Variants in ARHGAP32 observed in about 807,000 individuals in gnomAD.
ARHGAP32 encodes the protein rho GTPase-activating protein 32.
Under a neutral mutation model 186.5 loss-of-function variants are expected in ARHGAP32, and 51 were observed. The observed-to-expected ratio is 0.27, with a 90% CI of 0.22 to 0.35. ARHGAP32 has a LOEUF of 0.35. Ranked by LOEUF, ARHGAP32 falls within the 10% of genes least tolerant of loss-of-function variation. ARHGAP32 has a pLI of 1.00. For missense variants in ARHGAP32, 2,186 were observed against 2,623.5 expected, an observed-to-expected ratio of 0.83 and a Z score of 3.64; for synonymous variants, 950 against 964.3, an observed-to-expected ratio of 0.99 and a Z score of 0.27.
At chr11:129,129,800 A>G (rs1942771193) in intron 2 of ARHGAP32, among the ~76,000 whole-genome samples, 1 of 152,214 alleles carries the variant, frequency 6.6e-6, no homozygotes, top group South Asian at 2.1e-4. Context: ...CAACCTCACA[A>G]ACATTAAATA....
intron 19 of ARHGAP32, among the ~76,000 whole-genome samples, chr11:128,977,910 C>T (rs943997961): frequency 4.7e-5 from 7 of 149,646 alleles, no homozygotes. Context: ...AGATGCAGGG[C>T]CTCACTTTGT....
intron 6 of ARHGAP32, among the ~76,000 whole-genome samples, chr11:129,075,030 C>T (rs1940993574): frequency 6.6e-6 from 1 of 151,606 alleles, no homozygotes; most frequent in Non-Finnish European, 1.5e-5. Context: ...TTTTATTTGA[C>T]AATTATATAT....
At chr11:129,172,683 C>G (rs1943793667) in intron 1 of ARHGAP32, among the ~76,000 whole-genome samples, 1 of 152,140 alleles carries the variant, frequency 6.6e-6, no homozygotes, top group African/African-American at 2.4e-5. Context: ...ACAACCTGCT[C>G]CTGAATGACT....
chr11:128,988,282 G>T (rs1489536382), intron 12 of ARHGAP32, among the ~76,000 whole-genome samples, 157 bp from the exon 13 acceptor site: 1 of 152,062 alleles, frequency 6.6e-6, no homozygotes, highest in African/African-American at 2.4e-5. Flanking sequence ...AATGATGAGG[G>T]TATATTTATT....
In ARHGAP32 at chr11:128,969,878, CCTT is replaced by C. The variant is rs1197365199; in HGVS notation, c.5332_5334del (p.Lys1778del). The C allele has an allele frequency of 1.2e-6, 2 of 1,614,102 alleles. No individual in the cohort carries two copies. The highest frequency in any genetic ancestry group is 2.7e-5 in the African/African-American group (2 of 74,930). ...TATTGGGACATGACAGGCCCTTTCA[CCTT>C]CTGCCGAGCACGGCTCTCTCTCCGG... is the stretch of plus-strand genomic sequence containing the variant. On this transcript the variant is annotated inframe_deletion, in exon 23 of 23. Coordinates refer to ENST00000682385, the MANE Select transcript of ARHGAP32 (RefSeq NM_001378024.1). The surrounding 1 kb of genome is among the most constrained non-coding windows in gnomAD (Gnocchi z 4.8).
intron 12 of ARHGAP32, among the ~76,000 whole-genome samples, chr11:128,996,586 A>T (rs1407864833): frequency 2.0e-5 from 3 of 152,168 alleles, no homozygotes; most frequent in Non-Finnish European, 4.4e-5. Flanking sequence ...ATTCAGTATG[A>T]TGAAGTGTGA....
At chr11:129,013,361 G>A (rs966567225) in intron 11 of ARHGAP32, among the ~76,000 whole-genome samples, 4 of 152,118 alleles carry the variant, frequency 2.6e-5, no homozygotes, top group African/African-American at 7.2e-5. Context: ...TGAGTGGGAG[G>A]GGTGGATATG....
intron 1 of ARHGAP32, among the ~76,000 whole-genome samples, chr11:129,210,497 T>C (rs1591698749): frequency 1.3e-5 from 2 of 152,212 alleles, no homozygotes; most frequent in East Asian, 3.8e-4. Flanking sequence ...TTTTAGTTTA[T>C]CTTTGAACAA....
intron 6 of ARHGAP32, among the ~76,000 whole-genome samples, chr11:129,086,513 GAA>G (rs1281276406): frequency 6.6e-6 from 1 of 152,282 alleles, no homozygotes; most frequent in Non-Finnish European, 1.5e-5. Context: ...TAAATCGACA[GAA>G]AATATTTGCA....
intron 2 of ARHGAP32, among the ~76,000 whole-genome samples, chr11:129,137,142 GA>G (rs548500173): frequency 2.4e-4 from 34 of 140,320 alleles, no homozygotes; most frequent in South Asian, 4.5e-4. Flanking sequence ...TATATGAACT[GA>G]AAAAAAAAAG....
chr11:129,061,455 T>C (rs1401421367), intron 10 of ARHGAP32, among the ~76,000 whole-genome samples: 2 of 152,210 alleles, frequency 1.3e-5, no homozygotes, highest in Non-Finnish European at 2.9e-5. Flanking sequence ...ATACGTATGA[T>C]AAAGTTTAAT....
intron 12 of ARHGAP32, among the ~76,000 whole-genome samples, chr11:128,991,913 CTTCA>C (rs1946065793): frequency 6.6e-6 from 1 of 151,510 alleles, no homozygotes; most frequent in East Asian, 1.9e-4. Flanking sequence ...GCTCTTTTCT[CTTCA>C]TTCATTCACT....
intron 11 of ARHGAP32, among the ~76,000 whole-genome samples, chr11:129,016,207 A>G (rs1265948687): frequency 1.3e-5 from 2 of 152,090 alleles, no homozygotes; most frequent in African/African-American, 2.4e-5. Context: ...ATCCTTGCCC[A>G]TTTTTCTATT....
intron 2 of ARHGAP32, among the ~76,000 whole-genome samples, chr11:129,146,745 T>A (rs915074611): frequency 5.9e-5 from 9 of 152,148 alleles, no homozygotes; most frequent in Admixed American, 4.6e-4. Flanking sequence ...ACTCCTTAAA[T>A]TTTTAAGTTC....
intron 9 of ARHGAP32, among the ~76,000 whole-genome samples, chr11:129,062,715 T>C (rs1940552541): frequency 6.6e-6 from 1 of 152,186 alleles, no homozygotes; most frequent in South Asian, 2.1e-4. Flanking sequence ...GATTCACTTA[T>C]AAAAGATAAT....
intron 10 of ARHGAP32, among the ~76,000 whole-genome samples, chr11:129,055,810 T>C (rs891451487): frequency 6.6e-6 from 1 of 152,186 alleles, no homozygotes; most frequent in African/African-American, 2.4e-5. Flanking sequence ...TTTAGGGCAA[T>C]AAAACTATTC....
intron 1 of ARHGAP32, among the ~76,000 whole-genome samples, chr11:129,183,589 A>T (rs11221595): frequency 6.6e-6 from 1 of 151,968 alleles, no homozygotes; most frequent in Non-Finnish European, 1.5e-5. Flanking sequence ...TTTTTCTTCC[A>T]TTGTATCTTC....
At chr11:129,135,235 C>A (rs1392466848) in intron 2 of ARHGAP32, among the ~76,000 whole-genome samples, 1 of 152,060 alleles carries the variant, frequency 6.6e-6, no homozygotes, top group Admixed American at 6.6e-5. Context: ...ATAAGAAGGG[C>A]AAAGCTGGAA....
At chr11:129,142,189 A>C (rs73581239) in intron 2 of ARHGAP32, among the ~76,000 whole-genome samples, 112 of 152,242 alleles carry the variant, frequency 7.4e-4, no homozygotes, top group African/African-American at 2.4e-3. Context: ...AGAGGAAGAA[A>C]TACCCCGGCT....
Sources: gnomAD v4.1 joint callset for allele counts (sites outside exome capture counted in the v4.1 genomes callset) on GRCh38, gnomAD v4.1.1 for gene constraint, Gnocchi (gnomAD v3.1) non-coding constraint, MANE v1.5 for transcripts, NCBI Gene and HGNC (gene_info 2026-07-23, HGNC 2026-07-21) for gene names.